VAV2: variants seen among roughly 807,000 people sequenced by gnomAD.
VAV2 encodes guanine nucleotide exchange factor VAV2.
VAV2 carries 67 observed loss-of-function variants against 132.5 expected under a neutral mutation model. That is an observed-to-expected ratio of 0.51 (90% CI 0.42 to 0.62). The LOEUF (loss-of-function observed/expected upper bound fraction) is 0.62, where lower values mean the gene tolerates loss of function less well. Among genes scored for constraint, VAV2 ranks in the 20% least tolerant of loss-of-function variants. The pLI, the probability that VAV2 is intolerant of heterozygous loss-of-function variation, is 0.00. For missense variants in VAV2, 938 were observed against 1,153.6 expected (o/e 0.81, Z 2.71); for synonymous variants, 492 against 443.5 (o/e 1.11, Z -1.37).
At chr9:133,965,537 A>C (rs1432909925) in intron 1 of VAV2, among the ~76,000 whole-genome samples, 1 of 151,772 alleles carries the variant, frequency 6.6e-6, no homozygotes, top group African/African-American at 2.4e-5. Context: ...CATTTATAAC[A>C]GCTACAAAAT....
chr9:133,992,289 G>C lies in VAV2; in HGVS notation c.-11C>G. 1 of 1,524,534 alleles carries C rather than the reference G, an allele frequency of 6.6e-7. No homozygotes were observed. Among genetic ancestry groups the C allele is most frequent in the Non-Finnish European group, 8.8e-7 (1 of 1,135,602 alleles). 94.4% of individuals were successfully genotyped at this position (1,524,534 alleles called of 1,614,324 possible). A position where few individuals can be genotyped will look rare whatever the true frequency, so the allele number is the denominator to read the frequency against. On this transcript the variant is annotated 5_prime_UTR_variant, in exon 1 of 30. Coordinates refer to ENST00000371850, the MANE Select transcript of VAV2 (RefSeq NM_001134398.2). This position sits in a 1 kb window ranked among gnomAD's most constrained non-coding sequence, Gnocchi z 5.5. ...CCGCCACTGCTCCATGGCGCCCGCG[G>C]GCCCGACCGGCTCAGGGCAGTGCTC...
chr9:133,839,581 C>T (rs1231588066), intron 3 of VAV2, among the ~76,000 whole-genome samples: 1 of 151,802 alleles, frequency 6.6e-6, no homozygotes, highest in East Asian at 1.9e-4. Context: ...CTCCAAGTAG[C>T]TGGGATTACA....
intron 2 of VAV2, among the ~76,000 whole-genome samples, chr9:133,896,586 A>G (rs960058248): frequency 6.6e-6 from 1 of 152,164 alleles, no homozygotes; most frequent in African/African-American, 2.4e-5. Context: ...ACTATGCGAA[A>G]CTTTCAAACT....
intron 3 of VAV2, among the ~76,000 whole-genome samples, chr9:133,843,671 G>A (rs557013915): frequency 3.4e-4 from 52 of 152,338 alleles, no homozygotes; most frequent in East Asian, 2.9e-3. Context: ...GAGGGGGAAG[G>A]TGATGATGGA....
At chr9:133,941,934 C>T (rs1178732814) in intron 1 of VAV2, among the ~76,000 whole-genome samples, 4 of 152,052 alleles carry the variant, frequency 2.6e-5, no homozygotes, top group South Asian at 2.1e-4. Context: ...CCCCTGGAGT[C>T]GTCAGATCCA....
At chr9:133,861,637 T>C (rs1339231858) in intron 2 of VAV2, among the ~76,000 whole-genome samples, 2 of 152,236 alleles carry the variant, frequency 1.3e-5, no homozygotes, top group African/African-American at 4.8e-5. Flanking sequence ...GTGCTGGTAT[T>C]TGCGGGGCAC....
intron 2 of VAV2, among the ~76,000 whole-genome samples, chr9:133,905,968 C>A (rs2428101): frequency 0.94 from 143,534 of 152,148 alleles, 67,865 homozygotes; most frequent in East Asian, 1. Context: ...TGAGCCTGGG[C>A]GGTAGAGGCT....
intron 25 of VAV2, among the ~76,000 whole-genome samples, chr9:133,772,417 T>A (rs1320330532): frequency 2.0e-5 from 3 of 152,132 alleles, no homozygotes; most frequent in African/African-American, 7.2e-5. Context: ...TCTCCTGACA[T>A]CCTTCCCTGC....
At chr9:133,940,839 T>C (rs1841119765) in intron 1 of VAV2, among the ~76,000 whole-genome samples, 1 of 151,800 alleles carries the variant, frequency 6.6e-6, no homozygotes, top group Non-Finnish European at 1.5e-5. Context: ...GAAATTAACA[T>C]GGACACCACA....
intron 1 of VAV2, among the ~76,000 whole-genome samples, chr9:133,953,277 G>A (rs745699987): frequency 6.6e-6 from 1 of 152,260 alleles, no homozygotes; most frequent in Non-Finnish European, 1.5e-5. Context: ...GCTGGTGGCA[G>A]GCAGTCCTGT....
chr9:133,801,838 C>T (rs949166696), intron 9 of VAV2, among the ~76,000 whole-genome samples: 1 of 152,160 alleles, frequency 6.6e-6, no homozygotes, highest in Non-Finnish European at 1.5e-5. Flanking sequence ...ACACCCGGGG[C>T]CTCCAGCAGC....
At chr9:133,889,422 G>A (rs911157658) in intron 2 of VAV2, among the ~76,000 whole-genome samples, 2 of 152,164 alleles carry the variant, frequency 1.3e-5, no homozygotes, top group African/African-American at 4.8e-5. Flanking sequence ...GGGGAAGGCG[G>A]CCACTGGCAC....
At chr9:133,946,421 G>A (rs1742440590) in intron 1 of VAV2, among the ~76,000 whole-genome samples, 1 of 152,242 alleles carries the variant, frequency 6.6e-6, no homozygotes, top group Non-Finnish European at 1.5e-5. Context: ...GGCCTCAGGA[G>A]AACAGGCACT....
rs768066877 is a variant in VAV2 at position 133,895,705 on chromosome 9, G to A, written c.322-34273C>T. ...GTTTCTTTTTGGGGGTAATGAAAGC[G>A]TTTTAAAATTAGTGGTGGATACATG... is the stretch of plus-strand genomic sequence containing the variant. On this transcript the variant is annotated intron_variant, in intron 2 of 29. Coordinates refer to ENST00000371850, the MANE Select transcript of VAV2 (RefSeq NM_001134398.2). 9.2e-5 allele frequency among the ~76,000 whole-genome samples: 14 copies of A among 152,308 alleles called. No homozygotes were observed. In the South Asian group the frequency reaches 2.5e-3, roughly 27 times the overall value.
chr9:133,877,113 A>T (rs1395461835), intron 2 of VAV2, among the ~76,000 whole-genome samples: 1 of 152,004 alleles, frequency 6.6e-6, no homozygotes, highest in African/African-American at 2.4e-5. Flanking sequence ...CCACCACCCC[A>T]TTTCTGTTTC....
chr9:133,907,778 G>A (rs372245216), intron 2 of VAV2, among the ~76,000 whole-genome samples: 2 of 152,240 alleles, frequency 1.3e-5, no homozygotes, highest in Admixed American at 6.5e-5. Context: ...AAGTAACAAA[G>A]AGAATGCCAG....
At position 133,809,088 on chromosome 9, in the gene VAV2, G is replaced by A. The variant is rs371313651; in HGVS notation, c.618C>T (p.Ile206=). The stretch of plus-strand genomic sequence containing the variant: ...GGTAGTACTTGGCCTCGGTCTCCTG[G>A]ATCTCCAGCAGGCAGCAGTTCCTCT... ...DDKRNCCLLE[I]QETEAKYYRT... is the part of the protein sequence containing the mutation. The change falls in exon 7 of 30, where the codon ATC becomes ATT. Residue 206 remains isoleucine, a synonymous_variant. Transcript: ENST00000371850. 55 of 1,613,882 alleles carry A rather than the reference G, an allele frequency of 3.4e-5. No homozygotes were observed. Among genetic ancestry groups the A allele is most frequent in the East Asian group, 1.3e-4 (6 of 44,894 alleles).
chr9:133,839,842 G>C lies in VAV2; in HGVS notation c.381-5502C>G, dbSNP rs569074251. Among the ~76,000 whole-genome samples the C allele has an allele frequency of 8.5e-5, 13 of 152,308 alleles. No individual in the cohort carries two copies. In the South Asian group the frequency reaches 2.5e-3, roughly 29 times the overall value. ...TAGGGACTTTGTAAACACTGACCTC[G>C]ATTAAACAGTGTGACACACATTTGC... On this transcript the variant is annotated intron_variant, in intron 3 of 29. Transcript: ENST00000371850.
intron 2 of VAV2, among the ~76,000 whole-genome samples, chr9:133,880,707 A>G (rs1838456213): frequency 6.6e-6 from 1 of 152,260 alleles, no homozygotes; most frequent in Non-Finnish European, 1.5e-5. Flanking sequence ...CATTGTAACC[A>G]AAGCACCAAC....
Sources: gnomAD v4.1 joint callset for allele counts (sites outside exome capture counted in the v4.1 genomes callset) on GRCh38, gnomAD v4.1.1 for gene constraint, Gnocchi (gnomAD v3.1) non-coding constraint, MANE v1.5 for transcripts, NCBI Gene and HGNC (gene_info 2026-07-23, HGNC 2026-07-21) for gene names.